Variants in TCF4 observed in about 807,000 individuals in gnomAD.
TCF4 encodes the protein transcription factor 4.
Under a neutral mutation model 82.1 loss-of-function variants are expected in TCF4, and 3 were observed. That is an observed-to-expected ratio of 0.04 (90% CI 0.02 to 0.09). The LOEUF (loss-of-function observed/expected upper bound fraction) is 0.09. Among genes scored for constraint, TCF4 ranks in the 10% least tolerant of loss-of-function variants. TCF4 has a pLI of 1.00. For synonymous variants in TCF4, 276 were observed against 309.6 expected (o/e 0.89, Z 1.14); for missense variants, 518 against 852.7 (o/e 0.61, Z 4.89).
chr18:55,565,146 T>C (rs1366296467), intron 3 of TCF4, among the ~76,000 whole-genome samples: 1 of 152,090 alleles, frequency 6.6e-6, no homozygotes, highest in East Asian at 1.9e-4. Context: ...CTGGGAAGAA[T>C]GGGAGTTATA....
chr18:55,429,892 A>C (rs958431635), intron 5 of TCF4, among the ~76,000 whole-genome samples: 10 of 151,732 alleles, frequency 6.6e-5, no homozygotes, highest in African/African-American at 2.4e-4. Context: ...ATGATCTATC[A>C]GAAACTATCA....
chr18:55,459,445 GTATT>G (rs1378777339), intron 5 of TCF4, among the ~76,000 whole-genome samples: 13 of 152,108 alleles, frequency 8.5e-5, no homozygotes, highest in Admixed American at 5.2e-4. Flanking sequence ...CTCCCTATGA[GTATT>G]TATTTATTCT....
chr18:55,265,375 A>T (rs1269856256), intron 11 of TCF4: 1 of 152,176 alleles, frequency 6.6e-6, no homozygotes, highest in Non-Finnish European at 1.5e-5. Context: ...AAAAGAAGGA[A>T]CATTTCCAGC....
chr18:55,460,591 A>C (rs556185031), intron 5 of TCF4, among the ~76,000 whole-genome samples: 1 of 152,312 alleles, frequency 6.6e-6, no homozygotes, highest in East Asian at 1.9e-4. Flanking sequence ...CATTAACACC[A>C]TTTATTTTCA....
intron 15 of TCF4, among the ~76,000 whole-genome samples, chr18:55,236,571 T>A (rs553802033): frequency 6.6e-6 from 1 of 152,244 alleles, no homozygotes; most frequent in South Asian, 2.1e-4. Context: ...CAACCATTTG[T>A]AACTCACTCT....
intron 3 of TCF4, among the ~76,000 whole-genome samples, chr18:55,568,833 A>C (rs1162605335): frequency 6.6e-6 from 1 of 152,198 alleles, no homozygotes; most frequent in Non-Finnish European, 1.5e-5. Flanking sequence ...AGATGTAAAA[A>C]TACTGAAGAA....
At chr18:55,427,796 T>C (rs934466447) in intron 5 of TCF4, among the ~76,000 whole-genome samples, 1 of 152,204 alleles carries the variant, frequency 6.6e-6, no homozygotes, top group African/African-American at 2.4e-5. Flanking sequence ...ATGGAATTGG[T>C]AAATGAAAAA....
At chr18:55,498,467 G>A (rs139389924) in intron 3 of TCF4, among the ~76,000 whole-genome samples, 396 of 152,292 alleles carry the variant, frequency 2.6e-3, no homozygotes, top group Non-Finnish European at 4.5e-3. Context: ...TAAGGCAAGC[G>A]CTCTGGATGT....
rs2045979262 is a variant in TCF4 at position 55,222,336 on chromosome 18, C to T, written c.*5699G>A. Reference sequence around the variant, plus strand: ...AAATATAATACTAAAAGACTAAATGCTTGTGGCTCTTTTATATATATTTAA... The same window carrying T: ...AAATATAATACTAAAAGACTAAATGTTTGTGGCTCTTTTATATATATTTAA... On this transcript the variant is annotated 3_prime_UTR_variant, in exon 20 of 20. Transcript: ENST00000354452. The T allele has an allele frequency of 6.6e-6, 1 of 152,070 alleles. No homozygotes were observed. Among genetic ancestry groups the T allele is most frequent in the African/African-American group, 2.4e-5 (1 of 41,392 alleles). 9.4% of individuals were successfully genotyped at this position (152,070 alleles called of 1,614,324 possible). A position where few individuals can be genotyped will look rare whatever the true frequency, so the allele number is the denominator to read the frequency against.
chr18:55,434,544 C>T (rs988244417), intron 5 of TCF4, among the ~76,000 whole-genome samples: 2 of 151,400 alleles, frequency 1.3e-5, no homozygotes, highest in African/African-American at 4.9e-5. Context: ...CTCAGCCTCC[C>T]AAGTAGCTGG....
intron 6 of TCF4, among the ~76,000 whole-genome samples, chr18:55,395,055 A>T (rs1364106017): frequency 6.6e-6 from 1 of 152,224 alleles, no homozygotes; most frequent in African/African-American, 2.4e-5. Flanking sequence ...TCAGTTTTAA[A>T]GAGTTTCAGT....
At chr18:55,577,687 C>G (rs1221244945) in intron 3 of TCF4, among the ~76,000 whole-genome samples, 1 of 152,048 alleles carries the variant, frequency 6.6e-6, no homozygotes, top group African/African-American at 2.4e-5. Context: ...GATTAAAAAC[C>G]TTCCATTTGG....
At chr18:55,286,255 C>CTA (rs1194606960) in intron 8 of TCF4, among the ~76,000 whole-genome samples, 1 of 119,036 alleles carries the variant, frequency 8.4e-6, no homozygotes, top group African/African-American at 4.0e-5. Context: ...TTGGGTCTCT[C>CTA]TATTCTATAT....
At chr18:55,360,999 A>G (rs1266127509) in intron 6 of TCF4, among the ~76,000 whole-genome samples, 1 of 152,114 alleles carries the variant, frequency 6.6e-6, no homozygotes, top group Non-Finnish European at 1.5e-5. Flanking sequence ...TGCTGGGATT[A>G]CAGGCCTGAG....
rs531108100 is a variant in TCF4 at position 55,537,007 on chromosome 18, G to A, written c.145+48273C>T. 2.0e-5 allele frequency among the ~76,000 whole-genome samples: 3 copies of A among 151,994 alleles called. No individual in the cohort carries two copies. In the South Asian group the frequency reaches 6.2e-4, roughly 32 times the overall value. On this transcript the variant is annotated intron_variant, in intron 3 of 19. Coordinates refer to ENST00000354452, the MANE Select transcript of TCF4 (RefSeq NM_001083962.2). ...AAATTAGCCGGGTGTGGTGGCGGGCGCCTGTAGTCCCAGCTACTGGAGAGG... is the reference window on the plus strand; with the variant it reads ...AAATTAGCCGGGTGTGGTGGCGGGCACCTGTAGTCCCAGCTACTGGAGAGG...
Position 55,350,725 on chromosome 18 carries a change from G to T in TCF4, c.499+149C>A, listed in dbSNP as rs541809000. 1.6e-3 allele frequency: 1,615 copies of T among 1,027,310 alleles called. 4 individuals are homozygous for T. Among genetic ancestry groups the T allele is most frequent in the Non-Finnish European group, 2.1e-3 (1,483 of 690,230 alleles). 63.6% of individuals were successfully genotyped at this position (1,027,310 alleles called of 1,614,324 possible). A position where few individuals can be genotyped will look rare whatever the true frequency, so the allele number is the denominator to read the frequency against. ...TTAACGTACCTACTCAGTGTACTAG[G>T]GGGGAAGTCTCCAGGCTGACAACTG... On this transcript the variant is annotated intron_variant, in intron 7 of 19. Coordinates refer to ENST00000354452, the MANE Select transcript of TCF4 (RefSeq NM_001083962.2).
rs192267774 is a variant in TCF4 at position 55,270,328 on chromosome 18, A to G, written c.790-365T>C. Among the ~76,000 whole-genome samples the G allele has an allele frequency of 3.9e-3, 601 of 152,222 alleles. 3 individuals are homozygous for G. Among genetic ancestry groups the G allele is most frequent in the African/African-American group, 0.014 (580 of 41,552 alleles). Reference sequence around the variant, plus strand: ...GTGGCCTATTGATCAAGTGAAAAAGATTCCACTATATAATGAATAAAACAA... The same window carrying G: ...GTGGCCTATTGATCAAGTGAAAAAGGTTCCACTATATAATGAATAAAACAA... On this transcript the variant is annotated intron_variant, in intron 10 of 19. Transcript: ENST00000354452.
chr18:55,263,210 C>T (rs1405444675), intron 11 of TCF4, among the ~76,000 whole-genome samples: 1 of 152,024 alleles, frequency 6.6e-6, no homozygotes, highest in Non-Finnish European at 1.5e-5. Context: ...AAGAAGAACA[C>T]AATTATCTCG....
chr18:55,269,707 T>C, intron 11 of TCF4, 124 bp downstream of exon 11: 2 of 1,255,116 alleles, frequency 1.6e-6, no homozygotes, highest in Non-Finnish European at 2.3e-6. Flanking sequence ...TGTGTGTTCA[T>C]TCTGTCATGT....
Sources: allele counts gnomAD v4.1 joint callset (sites outside exome capture counted in the v4.1 genomes callset), GRCh38; gene constraint gnomAD v4.1.1; transcripts MANE v1.5; gene names NCBI Gene and HGNC (gene_info 2026-07-23, HGNC 2026-07-21).